The following ADGRB3 variants were observed in gnomAD, a reference collection of about 807,000 sequenced individuals.
The protein encoded by ADGRB3 is brain-specific angiogenesis inhibitor 3.
Under a neutral mutation model 193.4 loss-of-function variants are expected in ADGRB3, and 37 were observed. That is an observed-to-expected ratio of 0.19 (90% CI 0.15 to 0.25). The LOEUF (loss-of-function observed/expected upper bound fraction) is 0.25, where lower values mean the gene tolerates loss of function less well. Ranked by LOEUF, ADGRB3 falls within the 10% of genes least tolerant of loss-of-function variation. The pLI is 1.00. For missense variants in ADGRB3, 1,637 were observed against 1,852.9 expected, an observed-to-expected ratio of 0.88 and a Z score of 2.14; for synonymous variants, 690 against 644.2, an observed-to-expected ratio of 1.07 and a Z score of -1.08.
At chr6:69,102,798 G>T (rs1773102113) in intron 17 of ADGRB3, among the ~76,000 whole-genome samples, 1 of 152,186 alleles carries the variant, frequency 6.6e-6, no homozygotes, top group South Asian at 2.1e-4. Context: ...TTGAAAGGAA[G>T]TCACAACCTT....
chr6:68,721,655 T>TATATATATATATATATATATAA (rs1386347336), intron 3 of ADGRB3, among the ~76,000 whole-genome samples: 1 of 141,350 alleles, frequency 7.1e-6, no homozygotes, highest in African/African-American at 2.6e-5. Flanking sequence ...TATATATATA[T>TATATATATATATATATATATAA]AAATTATCAT....
intron 16 of ADGRB3, among the ~76,000 whole-genome samples, chr6:69,072,779 T>C (rs1161011616): frequency 6.6e-6 from 1 of 152,212 alleles, no homozygotes; most frequent in Non-Finnish European, 1.5e-5. Flanking sequence ...TCTATAAGGT[T>C]CTCTGAGCTC....
chr6:68,810,489 T>C (rs564037193), intron 3 of ADGRB3, among the ~76,000 whole-genome samples: 54 of 152,314 alleles, frequency 3.5e-4, no homozygotes, highest in Non-Finnish European at 6.9e-4. Context: ...AGAAAACCAC[T>C]GTGGTGAAAC....
intron 17 of ADGRB3, among the ~76,000 whole-genome samples, chr6:69,117,529 G>A (rs1761352189): frequency 6.6e-6 from 1 of 152,104 alleles, no homozygotes; most frequent in South Asian, 2.1e-4. Context: ...TAATATCAGA[G>A]CCATATTATA....
At chr6:69,054,508 CT>C (rs774301994) in intron 15 of ADGRB3, among the ~76,000 whole-genome samples, 9 of 152,142 alleles carry the variant, frequency 5.9e-5, no homozygotes, top group Non-Finnish European at 1.5e-5. Context: ...TTAATTCTCA[CT>C]TTGCAATGGA....
At position 68,899,771 on chromosome 6, in the gene ADGRB3, G is replaced by A. The variant is rs549437689; in HGVS notation, c.758-30788G>A. ...AAACATTAAATATTAATTAAATATT[G>A]CAATAATAAGAATATATATTATGTC... On this transcript the variant is annotated intron_variant, in intron 3 of 31. Coordinates refer to ENST00000370598, the MANE Select transcript of ADGRB3 (RefSeq NM_001704.3). 7.2e-5 allele frequency among the ~76,000 whole-genome samples: 11 copies of A among 151,776 alleles called. No homozygotes were observed. The South Asian group carries it at 2.3e-3, about 32-fold the overall frequency.
chr6:69,196,037 C>T (rs1005741850), intron 17 of ADGRB3, among the ~76,000 whole-genome samples: 1 of 152,094 alleles, frequency 6.6e-6, no homozygotes, highest in African/African-American at 2.4e-5. Context: ...GACTTCCACT[C>T]ACCTGTTTTA....
intron 3 of ADGRB3, among the ~76,000 whole-genome samples, chr6:68,702,193 A>G (rs556126019): frequency 2.1e-4 from 32 of 149,212 alleles, no homozygotes; most frequent in Non-Finnish European, 4.0e-4. Context: ...TCACATGGCA[A>G]GAACAGGAGC....
intron 3 of ADGRB3, among the ~76,000 whole-genome samples, chr6:68,785,619 A>G (rs1441850913): frequency 6.6e-6 from 1 of 151,970 alleles, no homozygotes; most frequent in Admixed American, 6.6e-5. Context: ...ATAAACATAC[A>G]TATGCATGTG....
Position 69,046,670 on chromosome 6 carries a change from AATC to A in ADGRB3, c.2108-1513_2108-1511del, listed in dbSNP as rs558533602. ...ATCCTATGCTGATAATGGAATGACTAATCACCTGAAAGAACTTTAATAAAGTAC... is the reference window on the plus strand; with the variant it reads ...ATCCTATGCTGATAATGGAATGACTAACCTGAAAGAACTTTAATAAAGTAC... On this transcript the variant is annotated intron_variant, in intron 13 of 31. Transcript: ENST00000370598. Among the ~76,000 whole-genome samples the A allele has an allele frequency of 1.2e-4, 19 of 152,344 alleles. 1 individual carries two copies. The South Asian group carries it at 3.7e-3, about 30-fold the overall frequency.
intron 3 of ADGRB3, among the ~76,000 whole-genome samples, chr6:68,688,376 A>C (rs1280404369): frequency 1.4e-5 from 2 of 144,486 alleles, no homozygotes; most frequent in African/African-American, 5.8e-5. Context: ...TTTTAACTTA[A>C]ATATTCTATA....
At chr6:69,343,453 C>G (rs182952133) in intron 26 of ADGRB3, among the ~76,000 whole-genome samples, 2 of 149,646 alleles carry the variant, frequency 1.3e-5, no homozygotes, top group Admixed American at 6.8e-5. Flanking sequence ...TTTGTTCTTG[C>G]GATAGTTTAC....
intron 20 of ADGRB3, among the ~76,000 whole-genome samples, chr6:69,251,229 G>A (rs758575018): frequency 8.6e-5 from 13 of 152,024 alleles, no homozygotes; most frequent in Non-Finnish European, 1.6e-4. Context: ...TCCAGCCTTG[G>A]GCTAGCCTAG....
intron 6 of ADGRB3, among the ~76,000 whole-genome samples, chr6:68,955,422 A>G (rs1456415371): frequency 2.0e-5 from 3 of 152,192 alleles, no homozygotes; most frequent in East Asian, 1.9e-4. Context: ...TATTTCATGT[A>G]CCCCATCTCC....
chr6:68,676,330 G>A (rs951232751), intron 3 of ADGRB3, among the ~76,000 whole-genome samples: 24 of 147,778 alleles, frequency 1.6e-4, no homozygotes, highest in African/African-American at 6.1e-4. Flanking sequence ...GTGGGAGGTT[G>A]CAGTGAGCCC....
At chr6:68,840,369 C>CTTTTTTTTTTTTTTTTTTTTTTTTT (rs752625602) in intron 3 of ADGRB3, among the ~76,000 whole-genome samples, 1 of 69,426 alleles carries the variant, frequency 1.4e-5, no homozygotes, top group African/African-American at 7.5e-5. Context: ...ACTGGGCAGT[C>CTTTTTTTTTTTTTTTTTTTTTTTTT]TTTTTTTTTT....
At chr6:68,982,765 G>T (rs2150269594) in intron 10 of ADGRB3, among the ~76,000 whole-genome samples, 1 of 152,194 alleles carries the variant, frequency 6.6e-6, no homozygotes, top group East Asian at 1.9e-4. Flanking sequence ...AGGATTTTTA[G>T]GGCCCCTCAA....
At chr6:68,841,751 T>A (rs1768162804) in intron 3 of ADGRB3, among the ~76,000 whole-genome samples, 1 of 151,890 alleles carries the variant, frequency 6.6e-6, no homozygotes, top group Non-Finnish European at 1.5e-5. Context: ...AAAGAAGTAA[T>A]AAAGACTCAC....
intron 3 of ADGRB3, among the ~76,000 whole-genome samples, chr6:68,712,587 A>G (rs1765423938): frequency 6.6e-6 from 1 of 151,962 alleles, no homozygotes; most frequent in African/African-American, 2.4e-5. Flanking sequence ...AAAAAAATGT[A>G]GAAATATAGG....
Sources: gnomAD v4.1 joint callset for allele counts (sites outside exome capture counted in the v4.1 genomes callset) on GRCh38, gnomAD v4.1.1 for gene constraint, MANE v1.5 for transcripts, NCBI Gene and HGNC (gene_info 2026-07-23, HGNC 2026-07-21) for gene names.